EML6: variants seen among roughly 807,000 people sequenced by gnomAD.
EML6 encodes the protein EMAP like 6, also known as echinoderm microtubule-associated protein-like 6.
In EML6, 154 loss-of-function variants were observed where a neutral mutation model predicts 240.1. The observed-to-expected ratio is 0.64, with a 90% CI of 0.56 to 0.73. The LOEUF (loss-of-function observed/expected upper bound fraction) is 0.73, where lower values mean the gene tolerates loss of function less well. EML6 is among the 30% of genes least tolerant of loss of function. The pLI is 0.00. For missense variants in EML6, 2,964 were observed against 2,474.6 expected (o/e 1.20, Z -4.20); for synonymous variants, 1,148 against 899.0 (o/e 1.28, Z -4.95).
At chr2:54,961,184 G>GTTGTTTTGTTTTT in intron 35 of EML6, among the ~76,000 whole-genome samples, 1 of 55,424 alleles carries the variant, frequency 1.8e-5, no homozygotes, top group African/African-American at 8.1e-5. Context: ...TCAGGAAGTA[G>GTTGTTTTGTTTTT]TTTTTTTTTT....
chr2:54,853,040 C>T (rs1670175582), intron 10 of EML6, among the ~76,000 whole-genome samples: 1 of 152,034 alleles, frequency 6.6e-6, no homozygotes, highest in Non-Finnish European at 1.5e-5. Context: ...ATTTTCAGTG[C>T]CTAGTACTTA....
Position 54,725,656 on chromosome 2 carries a change from G to T in EML6, c.197+398G>T, listed in dbSNP as rs1193925021. Among the ~76,000 whole-genome samples the T allele has an allele frequency of 2.0e-5, 3 of 152,118 alleles. No individual in the cohort carries two copies. The highest frequency in any genetic ancestry group is 2.9e-5 in the Non-Finnish European group (2 of 68,036). ...CATCATCTTTGGGAGGCTCCTCAGTGGGTTTCTCAGTAAGCAAGAGGATTA... is the reference window on the plus strand; with the variant it reads ...CATCATCTTTGGGAGGCTCCTCAGTTGGTTTCTCAGTAAGCAAGAGGATTA... On this transcript the variant is annotated intron_variant, in intron 2 of 41. Coordinates refer to ENST00000356458, the MANE Select transcript of EML6 (RefSeq NM_001039753.4). The surrounding 1 kb of genome is among the most constrained non-coding windows in gnomAD (Gnocchi z 4.3).
At position 54,844,064 on chromosome 2, in the gene EML6, G is replaced by A. The variant is rs1324615744; in HGVS notation, c.865G>A (p.Val289Met). ...QGYKGLSIRS[V>M]CWKADRLLAG... ...TTTGTCAGGCCTCTCTATCCGGAGCGTGTGCTGGAAAGCAGACCGCCTTCT... is the reference window on the plus strand; with the variant it reads ...TTTGTCAGGCCTCTCTATCCGGAGCATGTGCTGGAAAGCAGACCGCCTTCT... Residue 289 changes from valine to methionine, a missense_variant, in exon 8 of 42, where the codon GTG becomes ATG. Coordinates refer to ENST00000356458, the MANE Select transcript of EML6 (RefSeq NM_001039753.4). 9.0e-6 allele frequency: 14 copies of A among 1,549,636 alleles called. No individual in the cohort carries two copies. The highest frequency in any genetic ancestry group is 2.5e-5 in the East Asian group (1 of 40,780).
intron 28 of EML6, among the ~76,000 whole-genome samples, chr2:54,931,527 C>T (rs1321939605): frequency 6.6e-6 from 1 of 152,170 alleles, no homozygotes; most frequent in Non-Finnish European, 1.5e-5. Flanking sequence ...ATAATCAGGG[C>T]CGTTGCCCAG....
At chr2:54,739,469 A>G (rs1170051017) in intron 2 of EML6, among the ~76,000 whole-genome samples, 1 of 152,240 alleles carries the variant, frequency 6.6e-6, no homozygotes, top group Non-Finnish European at 1.5e-5. Flanking sequence ...CCTGAAATCT[A>G]TAAAAGGGTA....
chr2:54,939,703 A>C (rs1388244250), intron 28 of EML6, among the ~76,000 whole-genome samples: 1 of 152,152 alleles, frequency 6.6e-6, no homozygotes. Flanking sequence ...CCCTCCCTCC[A>C]GGCAACAGCA....
At chr2:54,738,510 T>C (rs1013686926) in intron 2 of EML6, among the ~76,000 whole-genome samples, 5 of 152,300 alleles carry the variant, frequency 3.3e-5, no homozygotes, top group South Asian at 2.1e-4. Context: ...CCTGTAACCT[T>C]GCTCACATCA....
intron 4 of EML6, among the ~76,000 whole-genome samples, chr2:54,817,104 G>A (rs926649123): frequency 2.0e-5 from 3 of 152,088 alleles, no homozygotes; most frequent in Admixed American, 1.3e-4. Context: ...CTTTTCATAG[G>A]CAAAGCAAAT....
intron 7 of EML6, among the ~76,000 whole-genome samples, chr2:54,834,303 A>G (rs1558591416): frequency 6.6e-6 from 1 of 152,178 alleles, no homozygotes; most frequent in Non-Finnish European, 1.5e-5. Context: ...TTTAAAACAC[A>G]TTTATGATCT....
chr2:54,795,287 T>A (rs1210728731), intron 2 of EML6, among the ~76,000 whole-genome samples: 4 of 152,128 alleles, frequency 2.6e-5, no homozygotes, highest in African/African-American at 4.8e-5. Flanking sequence ...ATGTCTCACA[T>A]GTGGCAGGAG....
chr2:54,791,060 A>G (rs1165576602), intron 2 of EML6, among the ~76,000 whole-genome samples: 1 of 152,148 alleles, frequency 6.6e-6, no homozygotes, highest in Non-Finnish European at 1.5e-5. Flanking sequence ...GCAAACAGTC[A>G]CAGGCCTAAG....
intron 24 of EML6, 147 bp downstream of exon 24, chr2:54,903,649 C>G (rs1673172982): frequency 1.4e-6 from 1 of 698,626 alleles, no homozygotes; most frequent in African/African-American, 1.8e-5. Context: ...TTTTACAACC[C>G]AGAGGCAGCT....
chr2:54,796,629 C>T (rs1441953023), intron 2 of EML6, among the ~76,000 whole-genome samples: 1 of 151,964 alleles, frequency 6.6e-6, no homozygotes, highest in African/African-American at 2.4e-5. Context: ...CGAGCGCACA[C>T]ACACACTTAA....
chr2:54,957,795 A>G lies in EML6; in HGVS notation c.4492A>G (p.Lys1498Glu). ...GGACTCTGTCACCCACACAGGTGCC[A>G]AGGTTGCCAGCCGAGGGGGTCACCT... ...ITVWRWQEGA[K>E]VASRGGHLER... The change falls in exon 33 of 42, where the codon AAG (lysine) becomes GAG (glutamate). Residue 1498 changes from lysine (K) to glutamate (E), a missense_variant. Transcript: ENST00000356458. 1.9e-6 allele frequency: 3 copies of G among 1,549,754 alleles called. No individual in the cohort carries two copies. The South Asian group carries it at 3.6e-5, about 18-fold the overall frequency.
intron 2 of EML6, among the ~76,000 whole-genome samples, chr2:54,729,431 C>T (rs1342505741): frequency 6.6e-6 from 1 of 152,176 alleles, no homozygotes; most frequent in Non-Finnish European, 1.5e-5. Flanking sequence ...ATTTTATAAC[C>T]AGAGCTAACA....
At chr2:54,907,937 TAGATAGATAAGA>T (rs1397762106) in intron 24 of EML6, among the ~76,000 whole-genome samples, 454 of 38,926 alleles carry the variant, frequency 0.012, 2 homozygotes, top group South Asian at 0.033. Flanking sequence ...GATAGATAGA[TAGATAGATAAGA>T]TAGATAGATA....
At chr2:54,936,852 T>G (rs778676791) in intron 28 of EML6, among the ~76,000 whole-genome samples, 1 of 152,220 alleles carries the variant, frequency 6.6e-6, no homozygotes, top group South Asian at 2.1e-4. Flanking sequence ...GCATAACTTA[T>G]GGCCAAAAGT....
At chr2:54,875,789 G>T (rs143484007) in intron 16 of EML6, among the ~76,000 whole-genome samples, 1 of 152,166 alleles carries the variant, frequency 6.6e-6, no homozygotes, top group African/African-American at 2.4e-5. Flanking sequence ...TGTGCTTGCC[G>T]TGAGGAAAGT....
intron 11 of EML6, among the ~76,000 whole-genome samples, chr2:54,855,698 T>A (rs1670338917): frequency 6.6e-6 from 1 of 152,138 alleles, no homozygotes; most frequent in Non-Finnish European, 1.5e-5. Context: ...CACAGACATA[T>A]CCATGTCCTC....
Sources: allele counts gnomAD v4.1 joint callset (sites outside exome capture counted in the v4.1 genomes callset), GRCh38; gene constraint gnomAD v4.1.1; non-coding constraint Gnocchi (gnomAD v3.1); transcripts MANE v1.5; gene names NCBI Gene and HGNC (gene_info 2026-07-23, HGNC 2026-07-21).